DOCK1: variants seen among roughly 807,000 people sequenced by gnomAD.
The protein encoded by DOCK1 is dedicator of cytokinesis 1, also known as dedicator of cytokinesis protein 1.
Under a neutral mutation model 262.7 loss-of-function variants are expected in DOCK1, and 138 were observed. That is an observed-to-expected ratio of 0.53 (90% confidence interval 0.46 to 0.61). The LOEUF (loss-of-function observed/expected upper bound fraction) is 0.61. DOCK1 is among the 20% of genes least tolerant of loss of function. The pLI is 0.00. For missense variants in DOCK1, 1,908 were observed against 2,370.7 expected (o/e 0.80, Z 4.05); for synonymous variants, 866 against 867.4 (o/e 1.00, Z 0.03).
intron 21 of DOCK1, among the ~76,000 whole-genome samples, chr10:127,044,739 C>T (rs1268669826): frequency 1.3e-5 from 2 of 152,196 alleles, no homozygotes; most frequent in Non-Finnish European, 2.9e-5. Flanking sequence ...GCAGCCACAT[C>T]TCTTCATTGG....
intron 1 of DOCK1, among the ~76,000 whole-genome samples, chr10:126,920,939 G>A (rs2033123989): frequency 6.6e-6 from 1 of 152,194 alleles, no homozygotes; most frequent in African/African-American, 2.4e-5. Context: ...GCTCACACCT[G>A]TAATCCCAGC....
chr10:127,379,036 G>A (rs1020752060), intron 35 of DOCK1, among the ~76,000 whole-genome samples: 2 of 152,192 alleles, frequency 1.3e-5, no homozygotes, highest in African/African-American at 4.8e-5. Context: ...ATAATTGTAT[G>A]TCTCTGTAAT....
intron 27 of DOCK1, among the ~76,000 whole-genome samples, chr10:127,217,271 C>CAT (rs2058254671): frequency 6.6e-6 from 1 of 152,196 alleles, no homozygotes; most frequent in African/African-American, 2.4e-5. Context: ...GGATTCTGCA[C>CAT]ATTACCCCTG....
chr10:127,007,795 C>T (rs2041147708), intron 10 of DOCK1, among the ~76,000 whole-genome samples: 1 of 152,144 alleles, frequency 6.6e-6, no homozygotes. Context: ...TCGCTGTAGA[C>T]TTTGAGCATG....
At chr10:127,140,225 A>G (rs935606658) in intron 27 of DOCK1, among the ~76,000 whole-genome samples, 1 of 152,172 alleles carries the variant, frequency 6.6e-6, no homozygotes, top group Non-Finnish European at 1.5e-5. Flanking sequence ...GTTATTAACC[A>G]ATTTATCACA....
At chr10:127,301,070 T>C (rs563861370) in intron 29 of DOCK1, among the ~76,000 whole-genome samples, 1 of 152,326 alleles carries the variant, frequency 6.6e-6, no homozygotes, top group South Asian at 2.1e-4. Flanking sequence ...GTTTCTGTCC[T>C]AGCAGCACGC....
intron 29 of DOCK1, among the ~76,000 whole-genome samples, chr10:127,258,725 G>A (rs1391312756): frequency 6.6e-6 from 1 of 152,196 alleles, no homozygotes; most frequent in Admixed American, 6.5e-5. Context: ...CCAATCTATG[G>A]CTGTACCATT....
chr10:127,226,808 A>G (rs550349307), intron 27 of DOCK1, among the ~76,000 whole-genome samples: 1 of 152,182 alleles, frequency 6.6e-6, no homozygotes, highest in Non-Finnish European at 1.5e-5. Context: ...TGCCTTCGCC[A>G]TTGTGATTAC....
intron 27 of DOCK1, among the ~76,000 whole-genome samples, chr10:127,152,582 T>C (rs980806677): frequency 6.6e-6 from 1 of 152,156 alleles, no homozygotes; most frequent in Non-Finnish European, 1.5e-5. Flanking sequence ...TCAGCACTAT[T>C]GACATTTGGG....
At chr10:126,996,716 T>A (rs769567121) in intron 6 of DOCK1, 32 bp from the exon 7 acceptor site, 3 of 1,593,624 alleles carry the variant, frequency 1.9e-6, no homozygotes, top group Non-Finnish European at 1.7e-6. Context: ...TTGGTCTATG[T>A]CTGTGAACTT....
intron 10 of DOCK1, among the ~76,000 whole-genome samples, chr10:127,007,055 C>T (rs775531361): frequency 5.3e-5 from 8 of 152,206 alleles, no homozygotes; most frequent in Non-Finnish European, 8.8e-5. Flanking sequence ...AGCTGGGAAA[C>T]GCTTCCCCCA....
chr10:127,247,461 G>A (rs1038171264), intron 27 of DOCK1, among the ~76,000 whole-genome samples: 2 of 151,996 alleles, frequency 1.3e-5, no homozygotes, highest in Non-Finnish European at 2.9e-5. Context: ...GCCTTTCTTT[G>A]CCATGGCCCA....
chr10:126,913,822 A>G (rs2032157225), intron 1 of DOCK1, among the ~76,000 whole-genome samples: 3 of 152,216 alleles, frequency 2.0e-5, no homozygotes, highest in South Asian at 2.1e-4. Context: ...AAAACAGCTC[A>G]GGTTAGGGGT....
At chr10:126,987,474 G>A (rs1231243063) in intron 4 of DOCK1, 47 bp from the exon 5 acceptor site, 6 of 1,471,298 alleles carry the variant, frequency 4.1e-6, no homozygotes, top group South Asian at 1.2e-5. Context: ...ACTCATAGCA[G>A]GCAGTGAAAC....
chr10:127,368,604 C>T (rs2065048746), intron 33 of DOCK1, among the ~76,000 whole-genome samples: 1 of 152,122 alleles, frequency 6.6e-6, no homozygotes, highest in South Asian at 2.1e-4. Flanking sequence ...GACTGATAAG[C>T]TGGCAGGGGA....
intron 27 of DOCK1, among the ~76,000 whole-genome samples, chr10:127,138,964 G>A (rs75417467): frequency 1.6e-3 from 246 of 152,280 alleles, no homozygotes; most frequent in African/African-American, 5.8e-3. Flanking sequence ...TCCATGCATC[G>A]TTTTTCTGTG....
At chr10:127,305,315 C>A (rs2061833912) in intron 29 of DOCK1, among the ~76,000 whole-genome samples, 1 of 152,156 alleles carries the variant, frequency 6.6e-6, no homozygotes, top group Non-Finnish European at 1.5e-5. Flanking sequence ...ATTGTGCACT[C>A]TGATGAGTCG....
chr10:127,060,404 A>G lies in DOCK1; in HGVS notation c.2337-1264A>G, dbSNP rs1183083498. Among the ~76,000 whole-genome samples the G allele has an allele frequency of 3.9e-5, 6 of 152,312 alleles. No individual in the cohort carries two copies. In the East Asian group the frequency reaches 9.7e-4, roughly 25 times the overall value. On this transcript the variant is annotated intron_variant, in intron 22 of 51. Coordinates refer to ENST00000623213, the MANE Select transcript of DOCK1 (RefSeq NM_001290223.2). ...TACAAAACAGATCCACTAGGTTGCA[A>G]TTTCCCATTTTACACAGAATTTGTT...
chr10:126,948,871 G>C (rs962868841), intron 1 of DOCK1, among the ~76,000 whole-genome samples: 1 of 152,070 alleles, frequency 6.6e-6, no homozygotes, highest in Non-Finnish European at 1.5e-5. Context: ...TATGTGTGCT[G>C]GGCCTGGCCC....
Sources: allele counts gnomAD v4.1 joint callset (sites outside exome capture counted in the v4.1 genomes callset), GRCh38; gene constraint gnomAD v4.1.1; transcripts MANE v1.5; gene names NCBI Gene and HGNC (gene_info 2026-07-23, HGNC 2026-07-21).